The following TBC1D14 variants were observed in gnomAD, a reference collection of about 807,000 sequenced individuals.
TBC1D14 encodes TBC1 domain family member 14.
In TBC1D14, 26 loss-of-function variants were observed where a neutral mutation model predicts 79.0. The ratio of observed to expected loss-of-function variants is 0.33; its 90% CI spans 0.24 to 0.46. TBC1D14 has a LOEUF of 0.46. TBC1D14 is among the 20% of genes least tolerant of loss of function. The pLI is 1.00. For missense variants in TBC1D14, 769 were observed against 887.6 expected (o/e 0.87, Z 1.70); for synonymous variants, 394 against 349.9 (o/e 1.13, Z -1.40).
chr4:6,935,077 G>A (rs1162063555), intron 2 of TBC1D14, among the ~76,000 whole-genome samples: 5 of 152,148 alleles, frequency 3.3e-5, no homozygotes, highest in South Asian at 2.1e-4. Flanking sequence ...TGCAGTGATC[G>A]CGCCACTGCA....
chr4:6,911,874 A>G (rs1723022867), intron 1 of TBC1D14, among the ~76,000 whole-genome samples: 1 of 152,180 alleles, frequency 6.6e-6, no homozygotes, highest in Non-Finnish European at 1.5e-5. Flanking sequence ...AGACCTTGGA[A>G]AAGATTTGTT....
At chr4:6,999,262 C>A in intron 6 of TBC1D14, 60 bp downstream of exon 6, 1 of 1,463,720 alleles carries the variant, frequency 6.8e-7, no homozygotes, top group Non-Finnish European at 9.6e-7. Flanking sequence ...AATCTGTGGG[C>A]CACAGCTGTA....
At chr4:6,922,763 C>G (rs77982785) in intron 1 of TBC1D14, among the ~76,000 whole-genome samples, 12,198 of 152,206 alleles carry the variant, frequency 0.08, 690 homozygotes, top group Non-Finnish European at 0.12. Flanking sequence ...CCGCCGCCCC[C>G]CAAGCCCAGT....
At chr4:6,975,493 G>C (rs1257878529) in intron 3 of TBC1D14, among the ~76,000 whole-genome samples, 4 of 152,166 alleles carry the variant, frequency 2.6e-5, no homozygotes, top group African/African-American at 9.7e-5. Context: ...TTACAGGTGT[G>C]AGCCACTGCG....
chr4:6,966,868 G>A (rs1174468208), intron 2 of TBC1D14, among the ~76,000 whole-genome samples: 2 of 152,202 alleles, frequency 1.3e-5, no homozygotes, highest in Non-Finnish European at 2.9e-5. Context: ...GGAGTGCAGT[G>A]GCACGATCTC....
chr4:6,954,790 A>G (rs1321409631), intron 2 of TBC1D14, among the ~76,000 whole-genome samples: 3 of 152,212 alleles, frequency 2.0e-5, no homozygotes, highest in African/African-American at 7.2e-5. Context: ...TCTTTAGCAG[A>G]GATGGGGTTT....
chr4:6,997,892 TG>T (rs1719229186), intron 5 of TBC1D14, among the ~76,000 whole-genome samples: 1 of 152,110 alleles, frequency 6.6e-6, no homozygotes, highest in African/African-American at 2.4e-5. Flanking sequence ...TAGTATTTAA[TG>T]GGGGCAGTTT....
At chr4:6,937,490 C>T (rs112314740) in intron 2 of TBC1D14, among the ~76,000 whole-genome samples, 2 of 47,208 alleles carry the variant, frequency 4.2e-5, no homozygotes, top group East Asian at 1.9e-3. Context: ...GGGGCACAAA[C>T]CCTGGGGTTG....
intron 2 of TBC1D14, among the ~76,000 whole-genome samples, chr4:6,966,566 A>C (rs1377824945): frequency 6.6e-6 from 1 of 152,218 alleles, no homozygotes; most frequent in Non-Finnish European, 1.5e-5. Flanking sequence ...TGTGTACTTG[A>C]AATTTTAATT....
Position 7,030,410 on chromosome 4 carries a change from G to T in TBC1D14, c.*18G>T. On this transcript the variant is annotated 3_prime_UTR_variant, in exon 14 of 14. Coordinates refer to ENST00000409757, the MANE Select transcript of TBC1D14 (RefSeq NM_020773.3). Reference sequence around the variant, plus strand: ...GACACTGAGGCTGCAGCGGGAATTCGCACTCGGCACCAATCAGAGCCCCAT... The same window carrying T: ...GACACTGAGGCTGCAGCGGGAATTCTCACTCGGCACCAATCAGAGCCCCAT... 1.9e-6 allele frequency: 3 copies of T among 1,613,294 alleles called. No homozygotes were observed. Among genetic ancestry groups the T allele is most frequent in the Non-Finnish European group, 2.5e-6 (3 of 1,179,422 alleles).
Position 7,030,548 on chromosome 4 carries a change from A to C in TBC1D14, c.*156A>C. 1 of 705,762 alleles carries C rather than the reference A, an allele frequency of 1.4e-6. No homozygotes were observed. Among genetic ancestry groups the C allele is most frequent in the Non-Finnish European group, 2.3e-6 (1 of 428,852 alleles). The allele number at this position is 705,762 out of a possible 1,614,324, so 43.7% of individuals were successfully genotyped here. A position where few individuals can be genotyped will look rare whatever the true frequency, so the allele number is the denominator to read the frequency against. On this transcript the variant is annotated 3_prime_UTR_variant, in exon 14 of 14. Coordinates refer to ENST00000409757, the MANE Select transcript of TBC1D14 (RefSeq NM_020773.3). ...GGCCTTAAACAAAACAAACACAAAA[A>C]CTTTTAAAGAATTAAACCAAGGCTT...
intron 9 of TBC1D14, among the ~76,000 whole-genome samples, chr4:7,008,139 G>C (rs16839530): frequency 0.049 from 7,529 of 152,256 alleles, 398 homozygotes; most frequent in African/African-American, 0.13. Context: ...CTCTTTGAAC[G>C]TAATTTGAAA....
At chr4:7,002,391 C>CAGT (rs1228156425) in intron 7 of TBC1D14, among the ~76,000 whole-genome samples, 5 of 152,200 alleles carry the variant, frequency 3.3e-5, no homozygotes, top group Admixed American at 6.5e-5. Context: ...ATGGAATGCA[C>CAGT]AGTACCTTGT....
chr4:6,926,477 C>G (rs1724305619), intron 2 of TBC1D14, among the ~76,000 whole-genome samples: 1 of 152,224 alleles, frequency 6.6e-6, no homozygotes, highest in Non-Finnish European at 1.5e-5. Flanking sequence ...CTGCAGGAAA[C>G]AAGTGTCTCT....
chr4:6,926,100 G>T (rs1724274528), intron 2 of TBC1D14, among the ~76,000 whole-genome samples: 1 of 152,224 alleles, frequency 6.6e-6, no homozygotes. Flanking sequence ...GTGCGCGGAG[G>T]AGCGTGGCCC....
chr4:7,011,210 C>G (rs951139583), intron 11 of TBC1D14, among the ~76,000 whole-genome samples: 1 of 152,070 alleles, frequency 6.6e-6, no homozygotes, highest in East Asian at 1.9e-4. Flanking sequence ...TGTGCCCACA[C>G]CCGGGAGAAA....
In TBC1D14 at chr4:7,030,657, G is replaced by A. The variant is rs1026991208; in HGVS notation, c.*265G>A. 1.8e-5 allele frequency: 7 copies of A among 379,974 alleles called. No homozygotes were observed. Among genetic ancestry groups the A allele is most frequent in the Non-Finnish European group, 3.5e-5 (7 of 200,398 alleles). 23.5% of individuals were successfully genotyped at this position (379,974 alleles called of 1,614,324 possible). ...CTGCTGCACAGTTGAACGATGGGCA[G>A]TGGCTCACCCCCACTCCTTTATTTC... On this transcript the variant is annotated 3_prime_UTR_variant, in exon 14 of 14. Coordinates refer to ENST00000409757, the MANE Select transcript of TBC1D14 (RefSeq NM_020773.3).
At position 7,012,695 on chromosome 4, in the gene TBC1D14, A is replaced by G. The variant is rs752622433; in HGVS notation, c.1648-1753A>G. On this transcript the variant is annotated intron_variant, in intron 11 of 13. Transcript: ENST00000409757. ...TAGTGACTGTTGTATTTAACAATAA[A>G]AGGAAATATGCCACAGAATTACTAG... Among the ~76,000 whole-genome samples, 8 of 152,252 alleles carry G rather than the reference A, an allele frequency of 5.3e-5. 1 individual carries two copies. Among genetic ancestry groups the G allele is most frequent in the African/African-American group, 7.2e-5 (3 of 41,468 alleles).
At position 7,014,431 on chromosome 4, in the gene TBC1D14, T is replaced by A; in HGVS notation, c.1648-17T>A. ...TGTGCAGATAGTTTCTGAGTAAATTTCATATTATCTCCCTAGATGTTGACT... is the reference window on the plus strand; with the variant it reads ...TGTGCAGATAGTTTCTGAGTAAATTACATATTATCTCCCTAGATGTTGACT... On this transcript the variant is annotated splice_polypyrimidine_tract_variant and intron_variant, in intron 11 of 13. Transcript: ENST00000409757. 1.9e-6 allele frequency: 3 copies of A among 1,559,346 alleles called. No homozygotes were observed. The highest frequency in any genetic ancestry group is 1.8e-6 in the Non-Finnish European group (2 of 1,131,910).
Sources: gnomAD v4.1 joint callset for allele counts (sites outside exome capture counted in the v4.1 genomes callset) on GRCh38, gnomAD v4.1.1 for gene constraint, MANE v1.5 for transcripts, NCBI Gene and HGNC (gene_info 2026-07-23, HGNC 2026-07-21) for gene names.